Variants in SHROOM2 observed in about 807,000 individuals in gnomAD.
The protein encoded by SHROOM2 is protein Shroom2.
A neutral mutation model predicts 75.9 loss-of-function variants in SHROOM2; 33 were observed. The ratio of observed to expected loss-of-function variants is 0.43; its 90% confidence interval spans 0.33 to 0.58. The LOEUF (loss-of-function observed/expected upper bound fraction) is 0.58. Ranked by LOEUF, SHROOM2 falls within the 20% of genes least tolerant of loss-of-function variation. The probability of loss-of-function intolerance (pLI) is 0.04; values close to 1 mark genes in which losing one functional copy is unlikely to be tolerated. For missense variants in SHROOM2, 1,434 were observed against 1,461.2 expected (o/e 0.98, Z 0.30); for synonymous variants, 655 against 663.6 (o/e 0.99, Z 0.20).
intron 1 of SHROOM2, among the ~76,000 whole-genome samples, chrX:9,811,002 G>A (rs2083788872): frequency 8.9e-6 from 1 of 112,006 alleles, no homozygotes. Context: ...CATGATGGTG[G>A]ATAAGGCATT....
chrX:9,791,001 GC>G (rs2083644787), intron 1 of SHROOM2, among the ~76,000 whole-genome samples: 1 of 110,851 alleles, frequency 9.0e-6, no homozygotes, highest in Non-Finnish European at 1.9e-5. Context: ...CTTGACTCAC[GC>G]CTATGAATCC....
intron 2 of SHROOM2, 54 bp downstream of exon 2, chrX:9,873,857 C>T: frequency 8.6e-7 from 1 of 1,160,565 alleles, no homozygotes; most frequent in Non-Finnish European, 1.2e-6. Context: ...ATGAGTGGAA[C>T]ATCAAAGTGG....
intron 1 of SHROOM2, among the ~76,000 whole-genome samples, chrX:9,848,004 A>G (rs1264909073): frequency 8.9e-6 from 1 of 112,080 alleles, no homozygotes; most frequent in African/African-American, 3.2e-5. Context: ...CCTGTTTACC[A>G]ACAACCTGAA....
chrX:9,940,842 G>A (rs368733775), intron 8 of SHROOM2, among the ~76,000 whole-genome samples: 42 of 111,334 alleles, frequency 3.8e-4, no homozygotes, highest in Middle Eastern at 4.6e-3. Flanking sequence ...TTCCCAGGGC[G>A]ACCACAGTTG....
intron 1 of SHROOM2, among the ~76,000 whole-genome samples, chrX:9,826,683 G>A (rs1460599984): frequency 8.9e-6 from 1 of 111,744 alleles, no homozygotes; most frequent in Non-Finnish European, 1.9e-5. Flanking sequence ...GCTGAGGTGG[G>A]AGGATCACTT....
chrX:9,832,150 G>T (rs1043867395), intron 1 of SHROOM2, among the ~76,000 whole-genome samples: 24 of 112,178 alleles, frequency 2.1e-4, no homozygotes, highest in African/African-American at 7.8e-4. Context: ...AGGTGTTTAA[G>T]AGAGTCTGGT....
intron 5 of SHROOM2, among the ~76,000 whole-genome samples, chrX:9,929,778 C>T (rs778601653): frequency 9.0e-4 from 101 of 112,061 alleles, no homozygotes; most frequent in Non-Finnish European, 8.3e-4. Flanking sequence ...CAAATCTCAA[C>T]TTGAATTGTA....
At chrX:9,821,867 C>T (rs181667703) in intron 1 of SHROOM2, among the ~76,000 whole-genome samples, 54 of 111,786 alleles carry the variant, frequency 4.8e-4, no homozygotes, top group African/African-American at 1.7e-3. Context: ...GGTTGCACAA[C>T]TCTGTGAATA....
At chrX:9,828,212 A>G (rs1005628788) in intron 1 of SHROOM2, among the ~76,000 whole-genome samples, 5 of 112,348 alleles carry the variant, frequency 4.5e-5, no homozygotes, top group African/African-American at 1.3e-4. Context: ...AGAACTCACT[A>G]TCACAAGAAC....
chrX:9,842,281 A>G (rs756025321), intron 1 of SHROOM2, among the ~76,000 whole-genome samples: 1 of 112,486 alleles, frequency 8.9e-6, no homozygotes, highest in East Asian at 2.8e-4. Flanking sequence ...CATTTAGAAA[A>G]CTTTTAAAAT....
rs765936231 is a variant in SHROOM2 at position 9,895,082 on chromosome X, C to A, written c.1174C>A (p.His392Asn). Residue 392 changes from histidine (H) to asparagine (N), a missense_variant, in exon 4 of 10, where the codon CAC becomes AAC. This residue lies in a region of SHROOM2 where 1,340 missense variants were observed against 1,338.3 expected (regional missense o/e 1.00). Transcript: ENST00000380913. Reference sequence around the variant, plus strand: ...AGGCCCGGGCTGCCCACAGGAGGCCCACGCAGACGGCAGCTGGCCGCCCTC... The same window carrying A: ...AGGCCCGGGCTGCCCACAGGAGGCCAACGCAGACGGCAGCTGGCCGCCCTC... ...SGGPGCPQEAHADGSWPPSKD... is the reference protein window; with the variant it reads ...SGGPGCPQEANADGSWPPSKD... 6 of 1,207,743 alleles carry A rather than the reference C, an allele frequency of 5.0e-6. No individual in the cohort carries two copies. The highest frequency in any genetic ancestry group is 5.6e-6 in the Non-Finnish European group (5 of 894,020).
Position 9,937,369 on chromosome X carries a change from A to G in SHROOM2, c.3823A>G (p.Arg1275Gly). 2 of 1,204,631 alleles carry G rather than the reference A, an allele frequency of 1.7e-6. No individual in the cohort carries two copies. The highest frequency in any genetic ancestry group is 1.8e-5 in the South Asian group (1 of 55,928). Residue 1275 changes from arginine (R) to glycine (G), a missense_variant, in exon 7 of 10, where the codon AGG (arginine) becomes GGG (glycine). Transcript: ENST00000380913. ...GGGTGCTGAGCCCGAGGCCCCACATAGGGCCCAGCCGGCTGAGCCCCAGCC... is the reference window on the plus strand; with the variant it reads ...GGGTGCTGAGCCCGAGGCCCCACATGGGGCCCAGCCGGCTGAGCCCCAGCC... ...RQGAEPEAPH[R>G]AQPAEPQPLG... is the part of the protein sequence containing the mutation.
chrX:9,905,392 A>T (rs1376626146), intron 5 of SHROOM2, among the ~76,000 whole-genome samples: 1 of 113,144 alleles, frequency 8.8e-6, no homozygotes, highest in Non-Finnish European at 1.9e-5. Flanking sequence ...GCACAAACCC[A>T]AAGAATTCCT....
intron 5 of SHROOM2, among the ~76,000 whole-genome samples, chrX:9,930,661 A>G (rs2084640216): frequency 8.9e-6 from 1 of 112,086 alleles, no homozygotes. Flanking sequence ...GTTTGGCAGT[A>G]TTTTAATGTC....
chrX:9,857,741 G>A (rs903852836), intron 1 of SHROOM2, among the ~76,000 whole-genome samples: 2 of 110,782 alleles, frequency 1.8e-5, no homozygotes, highest in Non-Finnish European at 3.8e-5. Flanking sequence ...GCAGACACAG[G>A]GAGATTACCC....
chrX:9,878,768 C>G (rs1380637307), intron 2 of SHROOM2, among the ~76,000 whole-genome samples: 1 of 100,251 alleles, frequency 1.0e-5, no homozygotes, highest in African/African-American at 3.6e-5. Flanking sequence ...CAGAACTACT[C>G]CTGAGGCAGA....
At position 9,848,124 on chromosome X, in the gene SHROOM2, C is replaced by T. The variant is rs913830535; in HGVS notation, c.166-25528C>T. ...TTTGCAGATCCACGTTTACAGATTC[C>T]CCACTGTATACTGAGGCCATCGAGG... is the stretch of plus-strand genomic sequence containing the variant. On this transcript the variant is annotated intron_variant, in intron 1 of 9. Coordinates refer to ENST00000380913, the MANE Select transcript of SHROOM2 (RefSeq NM_001649.4). 7.1e-5 allele frequency among the ~76,000 whole-genome samples: 8 copies of T among 111,977 alleles called. No individual in the cohort carries two copies. In the East Asian group the frequency reaches 8.4e-4, roughly 12 times the overall value.
At chrX:9,881,055 A>G (rs2084228892) in intron 2 of SHROOM2, among the ~76,000 whole-genome samples, 1 of 111,471 alleles carries the variant, frequency 9.0e-6, no homozygotes, top group African/African-American at 3.3e-5. Flanking sequence ...GCTTTGCTGA[A>G]TGGTAGTCAT....
chrX:9,832,516 A>G (rs946905238), intron 1 of SHROOM2, among the ~76,000 whole-genome samples: 8 of 111,713 alleles, frequency 7.2e-5, no homozygotes, highest in African/African-American at 2.3e-4. Context: ...GCATGTGACC[A>G]TGTGGCACAT....
Sources: gnomAD v4.1 joint callset for allele counts (sites outside exome capture counted in the v4.1 genomes callset) on GRCh38, gnomAD v4.1.1 for gene constraint, gnomAD v4.1.1 regional missense constraint, MANE v1.5 for transcripts, NCBI Gene and HGNC (gene_info 2026-07-23, HGNC 2026-07-21) for gene names.